Variants in ADAM28 observed in about 807,000 individuals in gnomAD.
The protein encoded by ADAM28 is ADAM metallopeptidase domain 28.
ADAM28 carries 105 observed loss-of-function variants against 101.2 expected under a neutral mutation model. The observed-to-expected ratio is 1.04, with a 90% CI of 0.89 to 1.22. The LOEUF (loss-of-function observed/expected upper bound fraction) is 1.22, where lower values mean the gene tolerates loss of function less well. ADAM28 is among the 50% of genes most tolerant of loss of function. The probability of loss-of-function intolerance (pLI) is 0.00; values close to 1 mark genes in which losing one functional copy is unlikely to be tolerated. For missense variants in ADAM28, 1,028 were observed against 945.4 expected (o/e 1.09, Z -1.15); for synonymous variants, 322 against 310.6 (o/e 1.04, Z -0.39).
At position 24,294,167 on chromosome 8, in the gene ADAM28, G is replaced by C; in HGVS notation, c.18G>C (p.Leu6=). The C allele has an allele frequency of 6.2e-7, 1 of 1,614,136 alleles. No homozygotes were observed. Residue 6 remains leucine, a synonymous_variant, in exon 1 of 23, where the codon CTG becomes CTC. Coordinates refer to ENST00000265769, the MANE Select transcript of ADAM28 (RefSeq NM_014265.6). MLQGL[L]PVSLLLSVAV... ...CACCCAGCATGTTGCAAGGTCTCCT[G>C]CCAGTCAGTCTCCTCCTCTCTGTTG...
Position 24,311,381 on chromosome 8 carries a change from A to G in ADAM28, c.327A>G (p.Gly109=). Residue 109 remains glycine, a synonymous_variant, in exon 5 of 23, where the codon GGA becomes GGG. Transcript: ENST00000265769. ...TTTAGGATGATTGTTATTATCAAGG[A>G]CATATTCTTAATGAAAAGGTTTCTG... ...PQIMDDCYYQ[G]HILNEKVSDA... is the part of the protein sequence containing the mutation. 1 of 1,613,196 alleles carries G rather than the reference A, an allele frequency of 6.2e-7. No individual in the cohort carries two copies. Among genetic ancestry groups the G allele is most frequent in the Non-Finnish European group, 8.5e-7 (1 of 1,179,534 alleles).
At chr8:24,307,188 A>G (rs1336053986) in intron 2 of ADAM28, among the ~76,000 whole-genome samples, 1 of 152,174 alleles carries the variant, frequency 6.6e-6, no homozygotes, top group Non-Finnish European at 1.5e-5. Context: ...AGTGCAGTTG[A>G]CCACCCTTCT....
chr8:24,349,523 A>C (rs539735180), intron 18 of ADAM28, among the ~76,000 whole-genome samples: 107 of 152,256 alleles, frequency 7.0e-4, no homozygotes, highest in African/African-American at 2.4e-3. Flanking sequence ...CTTTTCAAAA[A>C]TGTTTCATTT....
rs770092517 is a variant in ADAM28 at position 24,351,387 on chromosome 8, T to A, written c.2178+77T>A. On this transcript the variant is annotated intron_variant, in intron 20 of 22. Transcript: ENST00000265769. ...CTCACACTCTTATCCTGACTACCTATCTATCATTTCTACCCAGCAGCGTTT... is the reference window on the plus strand; with the variant it reads ...CTCACACTCTTATCCTGACTACCTAACTATCATTTCTACCCAGCAGCGTTT... 2.2e-6 allele frequency: 3 copies of A among 1,380,208 alleles called. No individual in the cohort carries two copies. In the South Asian group the frequency reaches 3.5e-5, roughly 16 times the overall value. 85.5% of individuals were successfully genotyped at this position (1,380,208 alleles called of 1,614,324 possible).
intron 2 of ADAM28, chr8:24,308,579 A>G: frequency 2.2e-6 from 1 of 455,788 alleles, no homozygotes; most frequent in Non-Finnish European, 4.4e-6. Flanking sequence ...CTTAATCCTG[A>G]ACAGTAAGAG....
intron 15 of ADAM28, among the ~76,000 whole-genome samples, chr8:24,339,799 A>G (rs528328530): frequency 1.3e-5 from 2 of 152,348 alleles, no homozygotes; most frequent in Admixed American, 1.3e-4. Flanking sequence ...GGTGCTTCAG[A>G]TGACACAAAG....
intron 4 of ADAM28, among the ~76,000 whole-genome samples, chr8:24,311,014 T>G (rs76249049): frequency 2.0e-3 from 311 of 152,254 alleles, no homozygotes; most frequent in African/African-American, 6.4e-3. Flanking sequence ...TAGAAAGAAG[T>G]TAATGAGAAA....
In ADAM28 at chr8:24,330,074, C is replaced by T. The variant is rs777591411; in HGVS notation, c.1062C>T (p.Cys354=). ...GAATGTTTCATGACGACTATTCTTG[C>T]AAGTGTCCTTCTACAATATGTGTGA... ...NFGMFHDDYS[C]KCPSTICVMD... The change falls in exon 11 of 23, where the codon TGC becomes TGT. Residue 354 remains cysteine, a synonymous_variant. Transcript: ENST00000265769. The T allele has an allele frequency of 3.8e-5, 61 of 1,613,516 alleles. 2 individuals are homozygous for T. In the South Asian group the frequency reaches 5.3e-4, roughly 14 times the overall value.
chr8:24,324,694 A>G (rs1181772944), intron 9 of ADAM28, among the ~76,000 whole-genome samples: 1 of 151,986 alleles, frequency 6.6e-6, no homozygotes, highest in Non-Finnish European at 1.5e-5. Flanking sequence ...TGGGCTTGAA[A>G]TAAGGCTTCT....
chr8:24,338,699 C>G (rs911529012), intron 14 of ADAM28, among the ~76,000 whole-genome samples: 1 of 152,114 alleles, frequency 6.6e-6, no homozygotes, highest in Non-Finnish European at 1.5e-5. Flanking sequence ...TGCTGTTTGT[C>G]AAAGGCTAGA....
Position 24,294,144 on chromosome 8 carries a change from C to T in ADAM28, c.-6C>T, listed in dbSNP as rs1807642860. ...AGCAGACACCGTGCTCCTGGAATCA[C>T]CCAGCATGTTGCAAGGTCTCCTGCC... On this transcript the variant is annotated 5_prime_UTR_variant, in exon 1 of 23. Transcript: ENST00000265769. 2 of 1,614,004 alleles carry T rather than the reference C, an allele frequency of 1.2e-6. No homozygotes were observed. The highest frequency in any genetic ancestry group is 1.7e-5 in the Admixed American group (1 of 59,990).
At chr8:24,310,264 C>G in intron 4 of ADAM28, 23 bp downstream of exon 4, 1 of 1,602,724 alleles carries the variant, frequency 6.2e-7, no homozygotes, top group Non-Finnish European at 8.5e-7. Flanking sequence ...CTCTTCAATT[C>G]TTTAATTAGG....
At position 24,326,568 on chromosome 8, in the gene ADAM28, C is replaced by A; in HGVS notation, c.905C>A (p.Ala302Asp). 6.2e-7 allele frequency: 1 copy of A among 1,611,804 alleles called. No homozygotes were observed. The change falls in exon 10 of 23, where the codon GCT becomes GAT. Residue 302 changes from alanine to aspartate, a missense_variant. Physicochemically the swap from Ala to Asp is moderately radical, Grantham distance 126 (BLOSUM62 -2). Transcript: ENST00000265769. ...CTTTCTTGCAGAGCAACAGAACTTG[C>A]TGGAACGACTGTGGGTCTTGCATTT... Reference protein sequence around the residue: ...IAQLITATELAGTTVGLAFMS... With the variant: ...IAQLITATELDGTTVGLAFMS...
intron 15 of ADAM28, 102 bp from the exon 16 acceptor site, chr8:24,341,496 C>G: frequency 8.1e-7 from 1 of 1,230,474 alleles, no homozygotes; most frequent in Non-Finnish European, 1.2e-6. Flanking sequence ...CTAAGAGTCT[C>G]GGCTACAGGG....
At chr8:24,318,385 T>C (rs531441986) in intron 6 of ADAM28, among the ~76,000 whole-genome samples, 1 of 152,064 alleles carries the variant, frequency 6.6e-6, no homozygotes, top group East Asian at 1.9e-4. Context: ...TTAGAGAACC[T>C]CACATAGCTC....
chr8:24,304,725 G>A (rs1424781676), intron 2 of ADAM28, among the ~76,000 whole-genome samples: 3 of 151,972 alleles, frequency 2.0e-5, no homozygotes, highest in Non-Finnish European at 4.4e-5. Flanking sequence ...AATTAGCTGG[G>A]TGTGGTGGTG....
chr8:24,303,657 A>T (rs1809142780), intron 2 of ADAM28, among the ~76,000 whole-genome samples: 2 of 152,008 alleles, frequency 1.3e-5, no homozygotes, highest in Non-Finnish European at 2.9e-5. Flanking sequence ...TTTTAAAGTA[A>T]TTTTTTTCTA....
chr8:24,308,356 ATCTTTCCTTCCATCCATAATC>A (rs149232860), intron 2 of ADAM28, among the ~76,000 whole-genome samples: 19,693 of 152,130 alleles, frequency 0.13, 1,282 homozygotes, highest in East Asian at 0.23. Context: ...TTCTTCCTTC[ATCTTTCCTTCCATCCATAATC>A]TTTATGCCAG....
At chr8:24,295,482 C>T (rs1405277166) in intron 1 of ADAM28, among the ~76,000 whole-genome samples, 2 of 151,952 alleles carry the variant, frequency 1.3e-5, no homozygotes, top group Admixed American at 6.6e-5. Flanking sequence ...TTTTTCTCTC[C>T]GTTCTCCAAA....
Sources: allele counts gnomAD v4.1 joint callset (sites outside exome capture counted in the v4.1 genomes callset), GRCh38; gene constraint gnomAD v4.1.1; transcripts MANE v1.5; gene names NCBI Gene and HGNC (gene_info 2026-07-23, HGNC 2026-07-21).